RBFOX1: variants seen among roughly 807,000 people sequenced by gnomAD.
RBFOX1 encodes RNA binding protein fox-1 homolog 1.
RBFOX1 carries 8 observed loss-of-function variants against 57.7 expected under a neutral mutation model. The observed-to-expected ratio is 0.14, with a 90% CI of 0.08 to 0.25. The LOEUF (loss-of-function observed/expected upper bound fraction) is 0.25. Ranked by LOEUF, RBFOX1 falls within the 10% of genes least tolerant of loss-of-function variation. The pLI, the probability that RBFOX1 is intolerant of heterozygous loss-of-function variation, is 1.00. For missense variants in RBFOX1, 611 were observed against 548.5 expected, an observed-to-expected ratio of 1.11 and a Z score of -1.14; for synonymous variants, 326 against 222.4, an observed-to-expected ratio of 1.47 and a Z score of -4.15.
intron 4 of RBFOX1, among the ~76,000 whole-genome samples, chr16:7,163,882 A>C (rs1304415748): frequency 6.6e-6 from 1 of 151,766 alleles, no homozygotes; most frequent in Non-Finnish European, 1.5e-5. Context: ...CTGGTATCGA[A>C]CTCCTGACCT....
rs576765953 is a variant in RBFOX1 at position 6,943,115 on chromosome 16, A to G, written c.-15-108942A>G. Among the ~76,000 whole-genome samples the G allele has an allele frequency of 5.3e-5, 8 of 152,258 alleles. No individual in the cohort carries two copies. The East Asian group carries it at 1.2e-3, about 22-fold the overall frequency. ...TCCCCAGGAGGGAGCCAATCTGGGT[A>G]TTCATTCCTTAGCTGCTGTAATACT... On this transcript the variant is annotated intron_variant, in intron 3 of 15. Coordinates refer to ENST00000550418, the MANE Select transcript of RBFOX1 (RefSeq NM_018723.4).
chr16:5,908,189 C>CGCACAT (rs1555443835), intron 4 of RBFOX1, among the ~76,000 whole-genome samples: 3 of 90,120 alleles, frequency 3.3e-5, no homozygotes, highest in African/African-American at 1.3e-4. Context: ...CATATATACA[C>CGCACAT]ATATATACAT....
At chr16:7,147,843 G>A (rs1055837212) in intron 4 of RBFOX1, among the ~76,000 whole-genome samples, 1 of 152,206 alleles carries the variant, frequency 6.6e-6, no homozygotes, top group African/African-American at 2.4e-5. Context: ...CCAGTCATGG[G>A]ATTGCTGGGT....
intron 1 of RBFOX1, among the ~76,000 whole-genome samples, chr16:5,328,381 T>C (rs2064646525): frequency 6.6e-6 from 1 of 152,164 alleles, no homozygotes; most frequent in Non-Finnish European, 1.5e-5. Context: ...AAATCAAATC[T>C]ACCAACACGT....
chr16:7,103,513 T>G (rs1157817436), intron 4 of RBFOX1, among the ~76,000 whole-genome samples: 1 of 152,168 alleles, frequency 6.6e-6, no homozygotes, highest in East Asian at 1.9e-4. Context: ...TGTATTGGTA[T>G]GTTAAGAGAT....
intron 2 of RBFOX1, among the ~76,000 whole-genome samples, chr16:6,634,107 A>G (rs1270005502): frequency 6.6e-6 from 1 of 151,356 alleles, no homozygotes; most frequent in African/African-American, 2.4e-5. Context: ...ACACATACAC[A>G]CAGACTATAT....
At chr16:6,832,676 C>T (rs952106125) in intron 3 of RBFOX1, among the ~76,000 whole-genome samples, 1 of 152,134 alleles carries the variant, frequency 6.6e-6, no homozygotes, top group Non-Finnish European at 1.5e-5. Flanking sequence ...AATTACTTTA[C>T]CCACTCAAAA....
At chr16:7,182,850 G>A (rs1400135565) in intron 4 of RBFOX1, among the ~76,000 whole-genome samples, 1 of 152,086 alleles carries the variant, frequency 6.6e-6, no homozygotes, top group East Asian at 1.9e-4. Context: ...TATGGCAATT[G>A]CATTTTAGCT....
chr16:6,972,086 T>A (rs564455993), intron 3 of RBFOX1, among the ~76,000 whole-genome samples: 2 of 152,330 alleles, frequency 1.3e-5, no homozygotes, highest in South Asian at 4.1e-4. Flanking sequence ...TACAGCATTT[T>A]TTTCCCATTG....
At chr16:7,307,481 A>G (rs915778743) in intron 4 of RBFOX1, among the ~76,000 whole-genome samples, 3 of 152,368 alleles carry the variant, frequency 2.0e-5, no homozygotes, top group African/African-American at 7.2e-5. Context: ...AGGCCAATGA[A>G]GAAGCAACTT....
intron 10 of RBFOX1, among the ~76,000 whole-genome samples, chr16:7,609,231 C>T (rs1302068546): frequency 6.6e-6 from 1 of 152,128 alleles, no homozygotes; most frequent in East Asian, 1.9e-4. Context: ...AAGAAGCCTT[C>T]TTGTGGGGAG....
At chr16:5,856,575 G>GTGTATA (rs1192496608) in intron 3 of RBFOX1, among the ~76,000 whole-genome samples, 723 of 32,834 alleles carry the variant, frequency 0.022, 41 homozygotes, top group African/African-American at 0.085. Flanking sequence ...GTGTGTGTGT[G>GTGTATA]TATATATATA....
intron 4 of RBFOX1, among the ~76,000 whole-genome samples, chr16:7,416,040 C>G (rs1240765906): frequency 6.6e-6 from 1 of 152,152 alleles, no homozygotes; most frequent in East Asian, 1.9e-4. Context: ...ATGCAGAGTA[C>G]TCAGGCCTCT....
intron 1 of RBFOX1, among the ~76,000 whole-genome samples, chr16:6,307,688 AATG>A (rs1414703611): frequency 1.4e-5 from 2 of 147,344 alleles, no homozygotes. Context: ...TATTTTTATA[AATG>A]ATAATCATTT....
At chr16:7,444,096 T>G (rs1208950815) in intron 4 of RBFOX1, among the ~76,000 whole-genome samples, 1 of 152,258 alleles carries the variant, frequency 6.6e-6, no homozygotes, top group African/African-American at 2.4e-5. Flanking sequence ...TGCAAAACTC[T>G]TGATGAATCA....
chr16:7,665,049 C>T lies in RBFOX1; in HGVS notation c.930+81C>T, dbSNP rs1011125272. 2.0e-5 allele frequency: 32 copies of T among 1,612,744 alleles called. No homozygotes were observed. In the East Asian group the frequency reaches 3.3e-4, roughly 17 times the overall value. On this transcript the variant is annotated intron_variant, in intron 13 of 15. Transcript: ENST00000550418. ...TACAAGTTTGCTGTGAATTTCTCTA[C>T]TTGGCGTAGTTGAGTTTCTCTCCTT...
At chr16:7,682,812 C>T (rs1270579090) in intron 14 of RBFOX1, among the ~76,000 whole-genome samples, 3 of 149,922 alleles carry the variant, frequency 2.0e-5, no homozygotes, top group African/African-American at 7.3e-5. Context: ...TTAAAGTTTA[C>T]TTTCCTAACA....
chr16:7,156,482 T>C (rs1401993581), intron 4 of RBFOX1, among the ~76,000 whole-genome samples: 1 of 152,116 alleles, frequency 6.6e-6, no homozygotes, highest in Admixed American at 6.6e-5. Flanking sequence ...TACAGGTAGA[T>C]ACACATCTAT....
At chr16:7,234,564 G>T (rs1346213196) in intron 4 of RBFOX1, among the ~76,000 whole-genome samples, 1 of 150,660 alleles carries the variant, frequency 6.6e-6, no homozygotes, top group Non-Finnish European at 1.5e-5. Flanking sequence ...GAAGTCTTCT[G>T]TTGCAAATGA....
Sources: allele counts gnomAD v4.1 joint callset (sites outside exome capture counted in the v4.1 genomes callset), GRCh38; gene constraint gnomAD v4.1.1; transcripts MANE v1.5; gene names NCBI Gene and HGNC (gene_info 2026-07-23, HGNC 2026-07-21).